The following NAP1L1 variants were observed in gnomAD, a reference collection of about 807,000 sequenced individuals.
NAP1L1 encodes nucleosome assembly protein 1-like 1.
NAP1L1 carries 9 observed loss-of-function variants against 58.9 expected under a neutral mutation model. That is an observed-to-expected ratio of 0.15 (90% CI 0.09 to 0.27). The LOEUF is 0.27. Among genes scored for constraint, NAP1L1 ranks in the 10% least tolerant of loss-of-function variants. The pLI, the probability that NAP1L1 is intolerant of heterozygous loss-of-function variation, is 1.00. For synonymous variants in NAP1L1, 130 were observed against 138.3 expected (o/e 0.94, Z 0.42); for missense variants, 302 against 458.8 (o/e 0.66, Z 3.12).
chr12:76,068,075 A>T (rs1949767128), intron 3 of NAP1L1, among the ~76,000 whole-genome samples: 1 of 152,244 alleles, frequency 6.6e-6, no homozygotes, highest in South Asian at 2.1e-4. Context: ...TATACAAAAC[A>T]AATTACAGTA....
In NAP1L1 at chr12:76,068,924, C is replaced by G. The variant is rs754147495; in HGVS notation, c.88G>C (p.Glu30Gln). 6 of 1,612,272 alleles carry G rather than the reference C, an allele frequency of 3.7e-6. No individual in the cohort carries two copies. The African/African-American group carries it at 8.0e-5, about 22-fold the overall frequency. ...EEVEEEETGE[E>Q]TKLKARQLTV... The stretch of plus-strand genomic sequence containing the variant: ...AAAGTAATACCTTTGAGTTTTGTTT[C>G]TTCACCAGTTTCCTCTTCTTCTACT... Residue 30 changes from glutamate to glutamine, a missense_variant, in exon 3 of 15, where the codon GAA becomes CAA. Coordinates refer to ENST00000618691, the MANE Select transcript of NAP1L1 (RefSeq NM_004537.7).
In NAP1L1 at chr12:76,044,503, T is replaced by C. The variant is rs947681012; in HGVS notation, c.*3926A>G. 1 of 152,206 alleles carries C rather than the reference T, an allele frequency of 6.6e-6. No individual in the cohort carries two copies. Among genetic ancestry groups the C allele is most frequent in the African/African-American group, 2.4e-5 (1 of 41,446 alleles). The allele number at this position is 152,206 out of a possible 1,614,324, so 9.4% of individuals were successfully genotyped here. A position where few individuals can be genotyped will look rare whatever the true frequency, so the allele number is the denominator to read the frequency against. ...TAATCTATTATTTCTAAATACCCCA[T>C]TTCTTCTTTTATTCAGACTCTTGGC... On this transcript the variant is annotated 3_prime_UTR_variant, in exon 15 of 15. Coordinates refer to ENST00000618691, the MANE Select transcript of NAP1L1 (RefSeq NM_004537.7).
At chr12:76,067,042 G>A (rs2137048777) in intron 4 of NAP1L1, among the ~76,000 whole-genome samples, 1 of 152,176 alleles carries the variant, frequency 6.6e-6, no homozygotes, top group East Asian at 1.9e-4. Context: ...AGATATTCAT[G>A]CTATTAATAA....
intron 1 of NAP1L1, among the ~76,000 whole-genome samples, chr12:76,082,648 A>G (rs1341073408): frequency 6.6e-6 from 1 of 152,196 alleles, no homozygotes; most frequent in African/African-American, 2.4e-5. Flanking sequence ...TCTTAGAACT[A>G]AACTATAGAT....
At chr12:76,054,226 C>T (rs1036673037) in intron 8 of NAP1L1, among the ~76,000 whole-genome samples, 2 of 152,050 alleles carry the variant, frequency 1.3e-5, no homozygotes, top group African/African-American at 2.4e-5. Context: ...GACAGTGTTT[C>T]ACCACGTTGG....
rs1399742786 is a variant in NAP1L1 at position 76,053,767 on chromosome 12, C to T, written c.770+3G>A. 6.2e-7 allele frequency: 1 copy of T among 1,605,704 alleles called. No individual in the cohort carries two copies. The highest frequency in any genetic ancestry group is 8.5e-7 in the Non-Finnish European group (1 of 1,178,120). ...TTTGTTAAGGTAGTAAAATTAAACT[C>T]ACCCTGTACAACCCATAATTTCTGG... On this transcript the variant is annotated splice_donor_region_variant and intron_variant, in intron 9 of 14. Transcript: ENST00000618691.
At chr12:76,081,819 C>G (rs982139781) in intron 1 of NAP1L1, among the ~76,000 whole-genome samples, 1 of 152,166 alleles carries the variant, frequency 6.6e-6, no homozygotes, top group Non-Finnish European at 1.5e-5. Context: ...TGCCCAAAAA[C>G]TTATTTAGAT....
Position 76,047,924 on chromosome 12 carries a change from T to C in NAP1L1, c.*505A>G, listed in dbSNP as rs1948652890. The C allele has an allele frequency of 6.5e-6, 1 of 153,768 alleles. No homozygotes were observed. The allele number at this position is 153,768 out of a possible 1,614,324, so 9.5% of individuals were successfully genotyped here. Reference sequence around the variant, plus strand: ...TAACAGTTATTGGGTGTGGTCATACTGGAAATTCTTAACCATATAGTTGTC... The same window carrying C: ...TAACAGTTATTGGGTGTGGTCATACCGGAAATTCTTAACCATATAGTTGTC... On this transcript the variant is annotated 3_prime_UTR_variant, in exon 15 of 15. Transcript: ENST00000618691.
At chr12:76,057,891 C>A (rs1306661241) in intron 6 of NAP1L1, 7 of 1,328,178 alleles carry the variant, frequency 5.3e-6, no homozygotes, top group Admixed American at 1.9e-5. Context: ...GTTACTATAG[C>A]CAAAATTCCC....
chr12:76,068,776 AC>A (rs1280595843), intron 3 of NAP1L1, 132 bp downstream of exon 3: 4 of 639,976 alleles, frequency 6.3e-6, no homozygotes, highest in Admixed American at 5.1e-5. Flanking sequence ...ACACACACAC[AC>A]ACTAGAAGTA....
intron 1 of NAP1L1, among the ~76,000 whole-genome samples, chr12:76,079,545 C>T (rs551656711): frequency 6.6e-6 from 1 of 151,864 alleles, no homozygotes; most frequent in Non-Finnish European, 1.5e-5. Flanking sequence ...GTTGGTATCA[C>T]GTATTAATGT....
At chr12:76,079,034 T>C (rs1415834530) in intron 1 of NAP1L1, among the ~76,000 whole-genome samples, 1 of 151,960 alleles carries the variant, frequency 6.6e-6, no homozygotes, top group African/African-American at 2.4e-5. Context: ...CAGCTCCGGA[T>C]ACATCAGTAA....
intron 4 of NAP1L1, among the ~76,000 whole-genome samples, chr12:76,066,911 C>T (rs1040145374): frequency 2.0e-5 from 3 of 151,960 alleles, no homozygotes; most frequent in Middle Eastern, 3.4e-3. Flanking sequence ...TAAAACACAG[C>T]GAACACATAC....
chr12:76,068,093 T>C (rs570081885), intron 3 of NAP1L1, among the ~76,000 whole-genome samples: 1 of 152,294 alleles, frequency 6.6e-6, no homozygotes, highest in East Asian at 1.9e-4. Flanking sequence ...GTACTAACCT[T>C]CTCTTCATCA....
intron 11 of NAP1L1, among the ~76,000 whole-genome samples, chr12:76,050,990 G>A (rs1197094028): frequency 7.4e-6 from 1 of 135,100 alleles, no homozygotes; most frequent in Admixed American, 7.8e-5. Context: ...GTGTACTCTA[G>A]CCTGGGCAAC....
chr12:76,053,711 A>G (rs1565718713), intron 9 of NAP1L1, 59 bp downstream of exon 9: 1 of 1,561,620 alleles, frequency 6.4e-7, no homozygotes, highest in African/African-American at 1.4e-5. Flanking sequence ...CCGAGTATAC[A>G]AATCAAGTAT....
At position 76,039,009 on chromosome 12, in the gene NAP1L1, TC is replaced by T. The variant is rs1447291509; in HGVS notation, c.*9419del. The T allele has an allele frequency of 6.6e-6, 1 of 152,196 alleles. No homozygotes were observed. The highest frequency in any genetic ancestry group is 2.4e-5 in the African/African-American group (1 of 41,426). 9.4% of individuals were successfully genotyped at this position (152,196 alleles called of 1,614,324 possible). A position where few individuals can be genotyped will look rare whatever the true frequency, so the allele number is the denominator to read the frequency against. On this transcript the variant is annotated 3_prime_UTR_variant, in exon 15 of 15. Coordinates refer to ENST00000618691, the MANE Select transcript of NAP1L1 (RefSeq NM_004537.7). ...AAAGCAGGACTCCAATCATAATTAA[TC>T]CTTTTGGGCCGTATTTAAAGAAAAT...
rs1426348268 is a variant in NAP1L1, at chr12:76,043,338, G to A, written c.*5091C>T. 1 of 152,040 alleles carries A rather than the reference G, an allele frequency of 6.6e-6. No individual in the cohort carries two copies. The highest frequency in any genetic ancestry group is 1.5e-5 in the Non-Finnish European group (1 of 68,038). 9.4% of individuals were successfully genotyped at this position (152,040 alleles called of 1,614,324 possible). ...GAGTCCAGGAGTTCGAAACCAGCCT[G>A]GCCAACATGGTGAAACACCTCTCAA... On this transcript the variant is annotated 3_prime_UTR_variant, in exon 15 of 15. Transcript: ENST00000618691.
Position 76,053,301 on chromosome 12 carries a change from TAATA to T in NAP1L1, c.816_819del (p.Ile273ArgfsTer15). 1 of 1,614,012 alleles carries T rather than the reference TAATA, an allele frequency of 6.2e-7. No homozygotes were observed. Among genetic ancestry groups the T allele is most frequent in the Non-Finnish European group, 8.5e-7 (1 of 1,179,930 alleles). ...CGTCCCTTGTGTTTCTGCTTCTTCT[TAATA>T]GTTTTCAAAGTGACATTCTTTCCTT... On this transcript the variant is annotated frameshift_variant, in exon 10 of 15. Transcript: ENST00000618691. LOFTEE classifies it high-confidence loss of function.
Sources: gnomAD v4.1 joint callset for allele counts (sites outside exome capture counted in the v4.1 genomes callset) on GRCh38, gnomAD v4.1.1 for gene constraint, MANE v1.5 for transcripts, NCBI Gene and HGNC (gene_info 2026-07-23, HGNC 2026-07-21) for gene names.